CMTR1: variants seen among roughly 807,000 people sequenced by gnomAD.
CMTR1 encodes the protein cap methyltransferase 1.
In CMTR1, 39 loss-of-function variants were observed where a neutral mutation model predicts 107.0. That is an observed-to-expected ratio of 0.36 (90% CI 0.28 to 0.48). The LOEUF (loss-of-function observed/expected upper bound fraction) is 0.48, where lower values mean the gene tolerates loss of function less well. Among genes scored for constraint, CMTR1 ranks in the 20% least tolerant of loss-of-function variants. The pLI is 0.99. For missense variants in CMTR1, 672 were observed against 1,064.9 expected (o/e 0.63, Z 5.14); for synonymous variants, 366 against 379.5 (o/e 0.96, Z 0.41).
At chr6:37,436,027 G>A (rs1771521439) in intron 2 of CMTR1, among the ~76,000 whole-genome samples, 1 of 152,176 alleles carries the variant, frequency 6.6e-6, no homozygotes, top group African/African-American at 2.4e-5. Context: ...TGGCACTCTT[G>A]CTGCCTTAAA....
intron 2 of CMTR1, 61 bp from the exon 3 acceptor site, chr6:37,443,938 G>T: frequency 6.4e-7 from 1 of 1,565,184 alleles, no homozygotes; most frequent in South Asian, 1.2e-5. Flanking sequence ...ATGAAACTTG[G>T]ATGTCTGGAG....
At chr6:37,448,654 C>T (rs1241823529) in intron 4 of CMTR1, among the ~76,000 whole-genome samples, 1 of 152,182 alleles carries the variant, frequency 6.6e-6, no homozygotes, top group Non-Finnish European at 1.5e-5. Context: ...CATTGTGATA[C>T]CATTTTATGC....
chr6:37,450,951 C>A lies in CMTR1; in HGVS notation c.537+608C>A, dbSNP rs533597879. Among the ~76,000 whole-genome samples the A allele has an allele frequency of 2.0e-5, 3 of 152,224 alleles. No homozygotes were observed. The South Asian group carries it at 6.2e-4, about 32-fold the overall frequency. On this transcript the variant is annotated intron_variant, in intron 5 of 23. Transcript: ENST00000373451. ...TTCCAGAGGCTATGATGTGATATTA[C>A]AACAGATTGAATGAAAAAGCAAAGA...
chr6:37,463,577 A>G (rs532603652), intron 13 of CMTR1, among the ~76,000 whole-genome samples: 12 of 152,200 alleles, frequency 7.9e-5, no homozygotes, highest in African/African-American at 2.2e-4. Flanking sequence ...CAGGCCTTTG[A>G]AAAAAGTGTT....
At chr6:37,463,364 G>A (rs1002666375) in intron 13 of CMTR1, among the ~76,000 whole-genome samples, 1 of 152,172 alleles carries the variant, frequency 6.6e-6, no homozygotes, top group African/African-American at 2.4e-5. Flanking sequence ...CTTGTTGCCT[G>A]GTGAAGTCCC....
chr6:37,468,195 G>C (rs1257064640), intron 13 of CMTR1, among the ~76,000 whole-genome samples: 1 of 150,020 alleles, frequency 6.7e-6, no homozygotes, highest in Non-Finnish European at 1.5e-5. Context: ...TGTTGCTGTA[G>C]AGATTACTAT....
chr6:37,448,883 C>T (rs958888433), intron 4 of CMTR1, among the ~76,000 whole-genome samples: 3 of 152,214 alleles, frequency 2.0e-5, no homozygotes, highest in African/African-American at 7.2e-5. Context: ...CCAGGCCTCA[C>T]TTCAGACCAG....
At chr6:37,470,000 T>C (rs1237885031) in intron 13 of CMTR1, among the ~76,000 whole-genome samples, 1 of 152,124 alleles carries the variant, frequency 6.6e-6, no homozygotes, top group Non-Finnish European at 1.5e-5. Flanking sequence ...GTTCACTGAT[T>C]CTTTCCTCTA....
chr6:37,442,591 C>T (rs1771698193), intron 2 of CMTR1, among the ~76,000 whole-genome samples: 1 of 152,176 alleles, frequency 6.6e-6, no homozygotes, highest in South Asian at 2.1e-4. Context: ...ATAACTGGCT[C>T]TAAGGCAATG....
chr6:37,435,188 C>A (rs1316204088), intron 1 of CMTR1, among the ~76,000 whole-genome samples: 1 of 152,166 alleles, frequency 6.6e-6, no homozygotes, highest in African/African-American at 2.4e-5. Flanking sequence ...ATGAAACAGT[C>A]ATTCTGGGAT....
At chr6:37,478,565 C>T (rs761085457) in intron 22 of CMTR1, 44 bp downstream of exon 22, 1 of 1,492,094 alleles carries the variant, frequency 6.7e-7, no homozygotes, top group Non-Finnish European at 9.3e-7. Flanking sequence ...CCCCTCTCCC[C>T]TCTCCTCGCC....
rs377398837 is a variant in CMTR1 at position 37,435,638 on chromosome 6, G to A, written c.9G>A (p.Arg3=). The A allele has an allele frequency of 7.5e-6, 12 of 1,599,544 alleles. No homozygotes were observed. The African/African-American group carries it at 1.5e-4, about 20-fold the overall frequency. MK[R]RTDPECTAPI... ...TATGGTTACAGTTAACGATGAAGAGGAGAACTGACCCAGAATGCACTGCCC... is the reference window on the plus strand; with the variant it reads ...TATGGTTACAGTTAACGATGAAGAGAAGAACTGACCCAGAATGCACTGCCC... The change falls in exon 2 of 24, where the codon AGG becomes AGA. Residue 3 remains arginine (R), a synonymous_variant. Coordinates refer to ENST00000373451, the MANE Select transcript of CMTR1 (RefSeq NM_015050.3).
At position 37,459,657 on chromosome 6, in the gene CMTR1, G is replaced by A. The variant is rs1562123355; in HGVS notation, c.1068G>A (p.Lys356=). Reference sequence around the variant, plus strand: ...TTGTCCTGGATAACACAGATCGCAAGGGTGTCCATTTTCTGATGGCTGATG... The same window carrying A: ...TTGTCCTGGATAACACAGATCGCAAAGGTGTCCATTTTCTGATGGCTGATG... ...RNFVLDNTDR[K]GVHFLMADGG... Residue 356 remains lysine, a synonymous_variant, in exon 10 of 24, where the codon AAG becomes AAA. Transcript: ENST00000373451. 2 of 1,614,092 alleles carry A rather than the reference G, an allele frequency of 1.2e-6. No individual in the cohort carries two copies. The highest frequency in any genetic ancestry group is 1.7e-5 in the Admixed American group (1 of 60,012).
intron 12 of CMTR1, 150 bp from the exon 13 acceptor site, chr6:37,462,679 A>C: frequency 1.5e-6 from 1 of 669,938 alleles, no homozygotes; most frequent in South Asian, 1.9e-5. Flanking sequence ...GAACTTTAGC[A>C]CCACAAAGGG....
At chr6:37,463,094 A>T in intron 13 of CMTR1, 86 bp downstream of exon 13, 1 of 1,388,400 alleles carries the variant, frequency 7.2e-7, no homozygotes, top group Admixed American at 1.8e-5. Context: ...GGCTCTTGGT[A>T]TCACTTTGTC....
intron 8 of CMTR1, 136 bp downstream of exon 8, chr6:37,453,448 G>A: frequency 1.2e-6 from 1 of 803,608 alleles, no homozygotes; most frequent in Non-Finnish European, 2.1e-6. Context: ...GAGCTCCTCA[G>A]ATAGGGTCCC....
chr6:37,458,767 G>T lies in CMTR1; in HGVS notation c.933G>T (p.Glu311Asp). 2 of 1,614,156 alleles carry T rather than the reference G, an allele frequency of 1.2e-6. No homozygotes were observed. Among genetic ancestry groups the T allele is most frequent in the Non-Finnish European group, 1.7e-6 (2 of 1,180,022 alleles). ...AGGGCCCTAATGACTTCAAGCTGGA[G>T]GACTTCTACTCTGCTTCCAGTGAAC... is the stretch of plus-strand genomic sequence containing the variant. ...TLKGPNDFKL[E>D]DFYSASSELF... Residue 311 changes from glutamate to aspartate, a missense_variant, in exon 9 of 24, where the codon GAG becomes GAT. Physicochemically the swap from Glu to Asp is conservative, Grantham distance 45 (BLOSUM62 2). Around this residue, in one of 2 missense-constraint regions of CMTR1, gnomAD observed 583 missense variants for 968.4 expected, o/e 0.60. Transcript: ENST00000373451. This position sits in a 1 kb window ranked among gnomAD's most constrained non-coding sequence, Gnocchi z 4.7.
At chr6:37,453,168 C>G (rs769333430) in intron 7 of CMTR1, 27 bp downstream of exon 7, 5 of 1,612,810 alleles carry the variant, frequency 3.1e-6, no homozygotes, top group Non-Finnish European at 3.4e-6. Flanking sequence ...CTCCCCTCCC[C>G]TGATGCTCCC....
chr6:37,456,256 A>C (rs1376766853), intron 8 of CMTR1, among the ~76,000 whole-genome samples: 2 of 152,214 alleles, frequency 1.3e-5, no homozygotes, highest in Non-Finnish European at 2.9e-5. Flanking sequence ...CGAAGATGCT[A>C]CATAATGTTC....
Sources: allele counts gnomAD v4.1 joint callset (sites outside exome capture counted in the v4.1 genomes callset), GRCh38; gene constraint gnomAD v4.1.1; regional missense constraint gnomAD v4.1.1; non-coding constraint Gnocchi (gnomAD v3.1); transcripts MANE v1.5; gene names NCBI Gene and HGNC (gene_info 2026-07-23, HGNC 2026-07-21).